Variants in PDE10A observed in about 807,000 individuals in gnomAD.
The protein encoded by PDE10A is cAMP and cAMP-inhibited cGMP 3',5'-cyclic phosphodiesterase 10A.
Under a neutral mutation model 97.7 loss-of-function variants are expected in PDE10A, and 39 were observed. That is an observed-to-expected ratio of 0.40 (90% confidence interval 0.31 to 0.52). The LOEUF (loss-of-function observed/expected upper bound fraction) is 0.52, where lower values mean the gene tolerates loss of function less well. Among genes scored for constraint, PDE10A ranks in the 20% least tolerant of loss-of-function variants. The probability of loss-of-function intolerance (pLI) is 0.56; values close to 1 mark genes in which losing one functional copy is unlikely to be tolerated. For missense variants in PDE10A, 731 were observed against 1,047.8 expected, an observed-to-expected ratio of 0.70 and a Z score of 4.17; for synonymous variants, 371 against 376.8, an observed-to-expected ratio of 0.98 and a Z score of 0.18.
intron 13 of PDE10A, among the ~76,000 whole-genome samples, chr6:165,411,784 G>GA (rs1232432731): frequency 6.6e-6 from 1 of 152,152 alleles, no homozygotes; most frequent in East Asian, 1.9e-4. Context: ...ATTTAACAGA[G>GA]AAAGAGAGAG....
intron 1 of PDE10A, among the ~76,000 whole-genome samples, chr6:165,565,423 C>T (rs911875966): frequency 3.3e-5 from 5 of 151,838 alleles, no homozygotes; most frequent in African/African-American, 1.2e-4. Context: ...AGAAAAGCTA[C>T]AAAACTCTGA....
intron 1 of PDE10A, among the ~76,000 whole-genome samples, chr6:165,741,825 A>G (rs1184880683): frequency 1.3e-5 from 2 of 152,226 alleles, no homozygotes; most frequent in Non-Finnish European, 2.9e-5. Context: ...TATGAAAAAA[A>G]TCTGCAAAGC....
At chr6:165,396,600 T>A (rs569392880) in intron 13 of PDE10A, 141 bp from the exon 14 acceptor site, 2 of 770,474 alleles carry the variant, frequency 2.6e-6, no homozygotes, top group East Asian at 5.4e-5. Context: ...CGTATTTCCA[T>A]ATGCACTGGG....
chr6:165,772,572 C>G (rs2128460139), intron 1 of PDE10A, among the ~76,000 whole-genome samples: 1 of 152,320 alleles, frequency 6.6e-6, no homozygotes, highest in South Asian at 2.1e-4. Context: ...TGGGCTATCT[C>G]TTCGTCTGTA....
intron 2 of PDE10A, among the ~76,000 whole-genome samples, chr6:165,498,473 ACAG>A (rs1780680297): frequency 6.9e-6 from 1 of 144,516 alleles, no homozygotes. Context: ...AAAATCAGTA[ACAG>A]AGTAAGAGTT....
chr6:165,806,042 TAAAAAAAAAAAAAAA>T (rs67104260), intron 1 of PDE10A, among the ~76,000 whole-genome samples: 4 of 73,116 alleles, frequency 5.5e-5, no homozygotes, highest in African/African-American at 1.1e-4. Flanking sequence ...GCTTGATTAT[TAAAAAAAAAAAAAAA>T]AAAAAAAAAA....
At chr6:165,423,419 G>GTT (rs1173227887) in intron 10 of PDE10A, among the ~76,000 whole-genome samples, 3 of 152,226 alleles carry the variant, frequency 2.0e-5, no homozygotes, top group Non-Finnish European at 4.4e-5. Context: ...GTGCAGGTAT[G>GTT]TTTGTTGGTT....
At chr6:165,586,072 C>T (rs1014656675) in intron 1 of PDE10A, among the ~76,000 whole-genome samples, 3 of 152,240 alleles carry the variant, frequency 2.0e-5, no homozygotes, top group South Asian at 4.2e-4. Flanking sequence ...GTCTAACCAA[C>T]GGGAATTCCT....
chr6:165,956,086 T>C (rs1784127570), intron 1 of PDE10A, among the ~76,000 whole-genome samples: 1 of 152,250 alleles, frequency 6.6e-6, no homozygotes, highest in Non-Finnish European at 1.5e-5. Context: ...CTTTAAAATG[T>C]CTGATACTAT....
At chr6:165,955,219 T>A (rs1336247161) in intron 1 of PDE10A, among the ~76,000 whole-genome samples, 2 of 152,142 alleles carry the variant, frequency 1.3e-5, no homozygotes, top group African/African-American at 2.4e-5. Context: ...TCGTGCTCGG[T>A]GTATAGGGTT....
intron 1 of PDE10A, among the ~76,000 whole-genome samples, chr6:165,636,930 A>AGACTGCCAT (rs1788906169): frequency 6.6e-6 from 1 of 152,192 alleles, no homozygotes; most frequent in Non-Finnish European, 1.5e-5. Context: ...CTCTCTAACA[A>AGACTGCCAT]GACTGCCATG....
intron 1 of PDE10A, among the ~76,000 whole-genome samples, chr6:165,618,138 T>C (rs567315703): frequency 2.0e-5 from 3 of 152,350 alleles, no homozygotes; most frequent in South Asian, 2.1e-4. Flanking sequence ...GTATTCAATA[T>C]ATGTATACAT....
chr6:165,934,066 C>T (rs1783240871), intron 1 of PDE10A, among the ~76,000 whole-genome samples: 1 of 151,398 alleles, frequency 6.6e-6, no homozygotes, highest in Admixed American at 6.6e-5. Context: ...TCACTGCAAC[C>T]TCCGCTTCCC....
At chr6:165,690,056 G>A (rs967579470) in intron 1 of PDE10A, among the ~76,000 whole-genome samples, 6 of 151,884 alleles carry the variant, frequency 4.0e-5, no homozygotes, top group South Asian at 2.1e-4. Context: ...ATAGAATATC[G>A]AGTGTCTTAT....
intron 1 of PDE10A, among the ~76,000 whole-genome samples, chr6:165,956,237 C>G (rs550254859): frequency 6.6e-6 from 1 of 152,142 alleles, no homozygotes; most frequent in Non-Finnish European, 1.5e-5. Flanking sequence ...GAGCAGGGTA[C>G]CCTATTAGCA....
At chr6:165,447,758 T>C (rs1790976007) in intron 5 of PDE10A, among the ~76,000 whole-genome samples, 1 of 152,196 alleles carries the variant, frequency 6.6e-6, no homozygotes, top group African/African-American at 2.4e-5. Context: ...TGCAAATTAA[T>C]AAACATTCTT....
At chr6:165,361,216 A>G (rs879657866) in intron 18 of PDE10A, among the ~76,000 whole-genome samples, 3 of 152,214 alleles carry the variant, frequency 2.0e-5, no homozygotes, top group Admixed American at 6.5e-5. Flanking sequence ...CCTAAAAGAC[A>G]TGTACAGAGC....
intron 1 of PDE10A, among the ~76,000 whole-genome samples, chr6:165,721,782 CTTAA>C (rs2128448660): frequency 6.6e-6 from 1 of 152,256 alleles, no homozygotes; most frequent in African/African-American, 2.4e-5. Context: ...CTTTTAATTA[CTTAA>C]TTGATTATGA....
At chr6:165,898,053 C>A (rs183025617) in intron 1 of PDE10A, among the ~76,000 whole-genome samples, 144 of 150,700 alleles carry the variant, frequency 9.6e-4, no homozygotes, top group African/African-American at 3.3e-3. Context: ...GTGGCAAGGG[C>A]TCCCCTCTGT....
Sources: allele counts gnomAD v4.1 joint callset (sites outside exome capture counted in the v4.1 genomes callset), GRCh38; gene constraint gnomAD v4.1.1; transcripts MANE v1.5; gene names NCBI Gene and HGNC (gene_info 2026-07-23, HGNC 2026-07-21).